The following RELL1 variants were observed in gnomAD, a reference collection of about 807,000 sequenced individuals.
RELL1 encodes the protein RELT like 1, also known as RELT-like protein 1.
RELL1 carries 10 observed loss-of-function variants against 23.0 expected under a neutral mutation model. The observed-to-expected ratio is 0.43, with a 90% CI of 0.27 to 0.74. The LOEUF (loss-of-function observed/expected upper bound fraction) is 0.74. Among genes scored for constraint, RELL1 ranks in the 30% least tolerant of loss-of-function variants. The pLI is 0.19. For synonymous variants in RELL1, 146 were observed against 146.8 expected, an observed-to-expected ratio of 0.99 and a Z score of 0.04; for missense variants, 315 against 364.4, an observed-to-expected ratio of 0.86 and a Z score of 1.10.
Position 37,686,284 on chromosome 4 carries a change from C to G in RELL1, c.4G>C (p.Ala2Pro). 1 of 1,523,624 alleles carries G rather than the reference C, an allele frequency of 6.6e-7. No individual in the cohort carries two copies. The highest frequency in any genetic ancestry group is 1.2e-5 in the South Asian group (1 of 82,652). 94.4% of individuals were successfully genotyped at this position (1,523,624 alleles called of 1,614,324 possible). A position where few individuals can be genotyped will look rare whatever the true frequency, so the allele number is the denominator to read the frequency against. ...GCGGACCCCGGGAGTGCCCGCGGAG[C>G]CATCGCCGCGTCGCTTCGCCCTCCT... M[A>P]PRALPGSAVL... The change falls in exon 1 of 7, where the codon GCT becomes CCT. Residue 2 changes from alanine to proline, a missense_variant. Physicochemically the swap from Ala to Pro is conservative, Grantham distance 27. Transcript: ENST00000454158.
At chr4:37,622,142 G>A (rs995534796) in intron 6 of RELL1, among the ~76,000 whole-genome samples, 1 of 152,292 alleles carries the variant, frequency 6.6e-6, no homozygotes, top group Admixed American at 6.5e-5. Flanking sequence ...AGTCATTTGT[G>A]AGTAAGACAA....
At chr4:37,638,581 AAC>A in intron 3 of RELL1, 77 bp from the exon 4 acceptor site, 2 of 1,101,948 alleles carry the variant, frequency 1.8e-6, no homozygotes, top group South Asian at 2.9e-5. Context: ...AGCTGTTGAA[AAC>A]ACATCTAATT....
At chr4:37,587,260 T>C (rs1718381899), downstream of RELL1, among the ~76,000 whole-genome samples, 1 of 152,146 alleles carries the variant, frequency 6.6e-6, no homozygotes, top group African/African-American at 2.4e-5. Flanking sequence ...CTAGGCAAAT[T>C]GTACCATCTG....
chr4:37,590,198 A>C (rs1303232133), downstream of RELL1: 12 of 1,614,092 alleles, frequency 7.4e-6, no homozygotes, highest in South Asian at 3.3e-5. Flanking sequence ...TGGAGCAGTG[A>C]AGTCTTGGTG....
At chr4:37,607,707 G>A (rs753011426), downstream of RELL1, among the ~76,000 whole-genome samples, 6 of 151,256 alleles carry the variant, frequency 4.0e-5, no homozygotes, top group Non-Finnish European at 7.4e-5. Context: ...AGCCTCCCAA[G>A]TAGCTGGGGA....
intron 6 of RELL1, among the ~76,000 whole-genome samples, chr4:37,604,597 C>T (rs1335983438): frequency 4.0e-5 from 6 of 151,874 alleles, no homozygotes; most frequent in Non-Finnish European, 2.9e-5. Flanking sequence ...TTAAAAATCT[C>T]AACCAGGATA....
At chr4:37,607,348 G>A (rs955493727), downstream of RELL1, among the ~76,000 whole-genome samples, 2 of 152,290 alleles carry the variant, frequency 1.3e-5, no homozygotes, top group Admixed American at 6.5e-5. Context: ...GAAATGGAGG[G>A]AAGGGTTTAC....
chr4:37,666,796 C>T lies in RELL1; in HGVS notation c.89-17296G>A, dbSNP rs116035359. ...ATGCAAGCCAGTGTTTCTCTTCCTT[C>T]CAGGAACAGGAAGCAGATAATGACT... On this transcript the variant is annotated intron_variant, in intron 1 of 6. Coordinates refer to ENST00000454158, the MANE Select transcript of RELL1 (RefSeq NM_001085400.2). Among the ~76,000 whole-genome samples the T allele has an allele frequency of 3.0e-3, 450 of 152,288 alleles. 1 individual carries two copies. Among genetic ancestry groups the T allele is most frequent in the Non-Finnish European group, 4.8e-3 (329 of 68,024 alleles).
chr4:37,620,243 T>C (rs1719721933), intron 6 of RELL1, among the ~76,000 whole-genome samples: 1 of 152,208 alleles, frequency 6.6e-6, no homozygotes, highest in African/African-American at 2.4e-5. Flanking sequence ...CAGTGAGAAA[T>C]TTTGCATTCC....
chr4:37,679,639 G>C (rs1160753882), intron 1 of RELL1, among the ~76,000 whole-genome samples: 2 of 152,152 alleles, frequency 1.3e-5, no homozygotes, highest in Non-Finnish European at 2.9e-5. Context: ...AAATAGTCAA[G>C]ATAGAATAAT....
At chr4:37,683,270 G>A (rs1181641074) in intron 1 of RELL1, among the ~76,000 whole-genome samples, 1 of 152,186 alleles carries the variant, frequency 6.6e-6, no homozygotes, top group East Asian at 1.9e-4. Context: ...TTGGAATCAA[G>A]CAGGCTGGGT....
At chr4:37,634,805 C>G in intron 5 of RELL1, 82 bp downstream of exon 5, 1 of 1,163,280 alleles carries the variant, frequency 8.6e-7, no homozygotes, top group East Asian at 2.3e-5. Context: ...AGAACATATT[C>G]TACATCTGAC....
At chr4:37,600,355 C>A (rs1312187669) in intron 6 of RELL1, among the ~76,000 whole-genome samples, 8 of 151,522 alleles carry the variant, frequency 5.3e-5, no homozygotes, top group Non-Finnish European at 4.4e-5. Flanking sequence ...ACACTCAATG[C>A]TTTTTTAAAT....
At chr4:37,649,925 G>C (rs1378929743) in intron 1 of RELL1, among the ~76,000 whole-genome samples, 1 of 152,134 alleles carries the variant, frequency 6.6e-6, no homozygotes, top group Non-Finnish European at 1.5e-5. Context: ...TAGTGATTAA[G>C]AGCATGGCCT....
At chr4:37,631,823 T>G (rs1577576418) in intron 5 of RELL1, among the ~76,000 whole-genome samples, 1 of 152,168 alleles carries the variant, frequency 6.6e-6, no homozygotes, top group East Asian at 1.9e-4. Flanking sequence ...ATACCTGCAA[T>G]CCCAGCAGCA....
Position 37,638,459 on chromosome 4 carries a change from T to A in RELL1, c.431A>T (p.Tyr144Phe), listed in dbSNP as rs1324546964. Reference sequence around the variant, plus strand: ...GAGGAGCACTCACCTTTCAGGATCATACAGGCTGTTATCTGCTACCATCGC... The same window carrying A: ...GAGGAGCACTCACCTTTCAGGATCAAACAGGCTGTTATCTGCTACCATCGC... Reference protein sequence around the residue: ...LKAMVADNSLYDPESPVTPST... With the variant: ...LKAMVADNSLFDPESPVTPST... Residue 144 changes from tyrosine to phenylalanine, a missense_variant, in exon 4 of 7, where the codon TAT becomes TTT. Tyr to Phe is a conservative substitution (Grantham distance 22). Transcript: ENST00000454158. 1.2e-6 allele frequency: 2 copies of A among 1,612,800 alleles called. No individual in the cohort carries two copies. Among genetic ancestry groups the A allele is most frequent in the Middle Eastern group, 1.7e-4 (1 of 6,058 alleles).
chr4:37,633,529 T>C (rs970308864), intron 5 of RELL1, among the ~76,000 whole-genome samples: 2 of 151,520 alleles, frequency 1.3e-5, no homozygotes, highest in African/African-American at 4.8e-5. Flanking sequence ...AAGCTACAGG[T>C]TCTCACTGCT....
rs1384004001 is a variant in RELL1 at position 37,611,600 on chromosome 4, C to A, written c.*1746G>T. On this transcript the variant is annotated 3_prime_UTR_variant, in exon 7 of 7. Transcript: ENST00000454158. ...GAAGTGCTCAAGGCACCCCCCAACA[C>A]TGACATGGAGGCGGGTCTTGGAGAC... Among the ~76,000 whole-genome samples, 1 of 152,140 alleles carries A rather than the reference C, an allele frequency of 6.6e-6. No individual in the cohort carries two copies. Among genetic ancestry groups the A allele is most frequent in the Admixed American group, 6.6e-5 (1 of 15,266 alleles).
At chr4:37,617,511 G>A (rs926229620) in intron 6 of RELL1, among the ~76,000 whole-genome samples, 3 of 152,200 alleles carry the variant, frequency 2.0e-5, no homozygotes, top group Non-Finnish European at 2.9e-5. Flanking sequence ...GGCCAGGCAT[G>A]GTAGCTCATG....
Sources: allele counts gnomAD v4.1 joint callset (sites outside exome capture counted in the v4.1 genomes callset), GRCh38; gene constraint gnomAD v4.1.1; transcripts MANE v1.5; gene names NCBI Gene and HGNC (gene_info 2026-07-23, HGNC 2026-07-21).